ZGRF1: variants seen among roughly 807,000 people sequenced by gnomAD.
ZGRF1 encodes the protein zinc finger GRF-type containing 1, also known as 5'-3' DNA helicase ZGRF1.
A neutral mutation model predicts 203.5 loss-of-function variants in ZGRF1; 196 were observed. The ratio of observed to expected loss-of-function variants is 0.96; its 90% CI spans 0.86 to 1.08. The LOEUF is 1.08. Among genes scored for constraint, ZGRF1 ranks in the 50% least tolerant of loss-of-function variants. ZGRF1 has a pLI of 0.00. For synonymous variants in ZGRF1, 809 were observed against 841.3 expected, an observed-to-expected ratio of 0.96 and a Z score of 0.66; for missense variants, 2,326 against 2,416.3, an observed-to-expected ratio of 0.96 and a Z score of 0.78.
rs1432951083 is a variant in ZGRF1, at chr4:112,576,987, A to G, written c.4438+4676T>C. 5.9e-5 allele frequency among the ~76,000 whole-genome samples: 9 copies of G among 151,388 alleles called. No homozygotes were observed. The East Asian group carries it at 1.2e-3, about 20-fold the overall frequency. Reference sequence around the variant, plus strand: ...AACACACATAATCGTCAGATTCACCAAAGTTGAAATGAAGGAAAAAATGTT... The same window carrying G: ...AACACACATAATCGTCAGATTCACCGAAGTTGAAATGAAGGAAAAAATGTT... On this transcript the variant is annotated intron_variant, in intron 16 of 27. Transcript: ENST00000505019.
chr4:112,603,735 A>C, intron 9 of ZGRF1, 38 bp from the exon 10 acceptor site: 1 of 1,456,406 alleles, frequency 6.9e-7, no homozygotes, highest in East Asian at 2.3e-5. Context: ...CTGCATAACT[A>C]TATGTTGACA....
chr4:112,557,504 C>A (rs1047216680), intron 20 of ZGRF1, among the ~76,000 whole-genome samples: 5 of 152,088 alleles, frequency 3.3e-5, no homozygotes, highest in Non-Finnish European at 5.9e-5. Context: ...ACGTAACAGA[C>A]CCAAGACTTC....
chr4:112,619,885 T>G, intron 5 of ZGRF1, 117 bp downstream of exon 5: 1 of 935,488 alleles, frequency 1.1e-6, no homozygotes, highest in South Asian at 2.0e-5. Context: ...CCTTTCTACC[T>G]AAGTATACTA....
intron 3 of ZGRF1, among the ~76,000 whole-genome samples, chr4:112,625,868 C>A (rs1359220126): frequency 6.7e-6 from 1 of 150,144 alleles, no homozygotes; most frequent in Non-Finnish European, 1.5e-5. Context: ...GCACTCCAGC[C>A]TGGGCAACAA....
rs897701801 is a variant in ZGRF1 at position 112,619,056 on chromosome 4, A to G, written c.986T>C (p.Met329Thr). ...AGGTGAACTCTGTGAGGATAAATAC[A>G]TGGCCCACCGGCTTTTATTTCTCAT... ...NTMRNKSRWA[M>T]YLSSQSSPIH... Residue 329 changes from methionine to threonine, a missense_variant, in exon 6 of 28, where the codon ATG (methionine) becomes ACG (threonine). Physicochemically the swap from Met to Thr is moderately conservative, Grantham distance 81. Transcript: ENST00000505019. The G allele has an allele frequency of 1.2e-6, 2 of 1,614,062 alleles. No individual in the cohort carries two copies. Among genetic ancestry groups the G allele is most frequent in the Middle Eastern group, 1.7e-4 (1 of 6,060 alleles).
intron 13 of ZGRF1, 112 bp downstream of exon 13, chr4:112,586,333 G>T: frequency 1.3e-6 from 1 of 774,238 alleles, no homozygotes; most frequent in Non-Finnish European, 1.9e-6. Flanking sequence ...TAGAACATAT[G>T]AAAAATAAGG....
chr4:112,551,375 C>A (rs1048136158), intron 22 of ZGRF1, among the ~76,000 whole-genome samples: 1 of 152,194 alleles, frequency 6.6e-6, no homozygotes, highest in South Asian at 2.1e-4. Flanking sequence ...TTCTAACAAT[C>A]TGAAGATCTA....
At chr4:112,564,262 T>C (rs1461543253) in intron 16 of ZGRF1, among the ~76,000 whole-genome samples, 1 of 152,206 alleles carries the variant, frequency 6.6e-6, no homozygotes, top group Non-Finnish European at 1.5e-5. Flanking sequence ...ACCTTCCTCC[T>C]CTCTTGTAAC....
intron 3 of ZGRF1, among the ~76,000 whole-genome samples, chr4:112,631,062 A>G (rs532511728): frequency 6.6e-6 from 1 of 152,318 alleles, no homozygotes; most frequent in Admixed American, 6.5e-5. Flanking sequence ...TTAAAAGAAT[A>G]CCTAACTAGT....
At chr4:112,566,239 A>G (rs988998660) in intron 16 of ZGRF1, among the ~76,000 whole-genome samples, 15 of 150,926 alleles carry the variant, frequency 9.9e-5, no homozygotes, top group Non-Finnish European at 1.8e-4. Flanking sequence ...CTATCACAAG[A>G]ACAAAAAACC....
intron 1 of ZGRF1, among the ~76,000 whole-genome samples, chr4:112,634,038 T>C (rs1342907008): frequency 6.6e-6 from 1 of 152,206 alleles, no homozygotes; most frequent in Non-Finnish European, 1.5e-5. Flanking sequence ...CCTAGAAGGA[T>C]TCAATAAAGC....
chr4:112,571,087 A>G (rs1214632967), intron 16 of ZGRF1, among the ~76,000 whole-genome samples: 3 of 147,212 alleles, frequency 2.0e-5, no homozygotes, highest in East Asian at 2.0e-4. Context: ...TGGGCAACAG[A>G]GCCAGACTGC....
intron 23 of ZGRF1, 40 bp from the exon 24 acceptor site, chr4:112,547,448 T>C: frequency 1.3e-6 from 2 of 1,573,858 alleles, no homozygotes; most frequent in Non-Finnish European, 1.7e-6. Flanking sequence ...GCAATTAAAA[T>C]GGGTGCATTA....
chr4:112,615,612 AT>A (rs1158476662), intron 6 of ZGRF1, among the ~76,000 whole-genome samples: 1 of 145,358 alleles, frequency 6.9e-6, no homozygotes, highest in Non-Finnish European at 1.5e-5. Context: ...ACTCATATTT[AT>A]TTTTCATTAA....
Position 112,618,613 on chromosome 4 carries a change from A to G in ZGRF1, c.1429T>C (p.Ser477Pro), listed in dbSNP as rs568695229. 5 of 1,613,342 alleles carry G rather than the reference A, an allele frequency of 3.1e-6. No individual in the cohort carries two copies. In the African/African-American group the frequency reaches 5.3e-5, roughly 17 times the overall value. The stretch of plus-strand genomic sequence containing the variant: ...AGATGTTTCAGTTCTGGCAGAGATG[A>G]CTCTGATTGTTCATACTCCTTTTCC... The part of the protein sequence containing the change: ...TLEKEYEQSE[S>P]SLPELKHLQI... The change falls in exon 6 of 28, where the codon TCA (serine) becomes CCA (proline). Residue 477 changes from serine to proline, a missense_variant. Coordinates refer to ENST00000505019, the MANE Select transcript of ZGRF1 (RefSeq NM_018392.5).
rs754351597 is a variant in ZGRF1, at chr4:112,539,890, A to T, written c.6145T>A (p.Trp2049Arg). 6.2e-7 allele frequency: 1 copy of T among 1,613,872 alleles called. No individual in the cohort carries two copies. The highest frequency in any genetic ancestry group is 8.5e-7 in the Non-Finnish European group (1 of 1,179,794). Residue 2049 changes from tryptophan to arginine, a missense_variant, in exon 27 of 28, where the codon TGG (tryptophan) becomes AGG (arginine). Physicochemically the swap from Trp to Arg is moderately radical, Grantham distance 101. Coordinates refer to ENST00000505019, the MANE Select transcript of ZGRF1 (RefSeq NM_018392.5). ...NLACLRKNQL[W>R]GRVIQHCEGR... ...TCGCAGTGTTGGATCACTCGTCCCC[A>T]AAGTTGATTTTTCCTCAAACAGGCT...
At chr4:112,602,521 G>A (rs1750139738) in intron 10 of ZGRF1, among the ~76,000 whole-genome samples, 2 of 152,186 alleles carry the variant, frequency 1.3e-5, no homozygotes, top group Admixed American at 1.3e-4. Context: ...ACTCAATGAT[G>A]CTACTCCTAG....
At chr4:112,561,038 AT>A (rs1462851384) in intron 18 of ZGRF1, 43 bp from the exon 19 acceptor site, 2 of 1,476,766 alleles carry the variant, frequency 1.4e-6, no homozygotes, top group Admixed American at 1.9e-5. Flanking sequence ...AAAAAGGGGC[AT>A]TTGAAAAAGA....
chr4:112,552,503 T>C (rs62316568), intron 22 of ZGRF1, among the ~76,000 whole-genome samples: 59,454 of 127,106 alleles, frequency 0.47, 11,868 homozygotes, highest in South Asian at 0.61. Context: ...TTATATATCA[T>C]TGTTACGTTG....
Sources: gnomAD v4.1 joint callset for allele counts (sites outside exome capture counted in the v4.1 genomes callset) on GRCh38, gnomAD v4.1.1 for gene constraint, MANE v1.5 for transcripts, NCBI Gene and HGNC (gene_info 2026-07-23, HGNC 2026-07-21) for gene names.